KCNQ5: variants seen among roughly 807,000 people sequenced by gnomAD.
The protein encoded by KCNQ5 is potassium voltage-gated channel subfamily KQT member 5.
In KCNQ5, 30 loss-of-function variants were observed where a neutral mutation model predicts 98.2. The observed-to-expected ratio is 0.31, with a 90% CI of 0.23 to 0.41. The LOEUF (loss-of-function observed/expected upper bound fraction) is 0.41. KCNQ5 is among the 10% of genes least tolerant of loss of function. KCNQ5 has a pLI of 1.00. For missense variants in KCNQ5, 835 were observed against 1,182.5 expected (o/e 0.71, Z 4.31); for synonymous variants, 458 against 449.4 (o/e 1.02, Z -0.24).
intron 5 of KCNQ5, among the ~76,000 whole-genome samples, chr6:73,090,972 G>T (rs553239793): frequency 1.8e-4 from 27 of 152,298 alleles, no homozygotes; most frequent in African/African-American, 6.5e-4. Flanking sequence ...CCATTACTGG[G>T]TATATACCCA....
At chr6:72,655,085 T>C (rs1766107514) in intron 1 of KCNQ5, among the ~76,000 whole-genome samples, 1 of 149,052 alleles carries the variant, frequency 6.7e-6, no homozygotes, top group Admixed American at 6.7e-5. Context: ...TCTTTCTTTC[T>C]TTCTTTCTTT....
At chr6:72,750,935 A>T (rs1281701180) in intron 1 of KCNQ5, among the ~76,000 whole-genome samples, 1 of 152,074 alleles carries the variant, frequency 6.6e-6, no homozygotes, top group African/African-American at 2.4e-5. Context: ...TCATTAAAAA[A>T]GATACATCTT....
intron 11 of KCNQ5, 32 bp from the exon 12 acceptor site, chr6:73,190,541 T>C (rs1765555029): frequency 3.4e-6 from 4 of 1,188,082 alleles, no homozygotes; most frequent in Non-Finnish European, 4.6e-6. Flanking sequence ...AACAGAGTTA[T>C]AAAGATTAAT....
chr6:73,014,196 C>A (rs991113364), intron 2 of KCNQ5, among the ~76,000 whole-genome samples: 1 of 152,068 alleles, frequency 6.6e-6, no homozygotes, highest in Non-Finnish European at 1.5e-5. Flanking sequence ...GTCTGGAGTG[C>A]ATTTCCTCTC....
intron 1 of KCNQ5, among the ~76,000 whole-genome samples, chr6:72,946,593 A>T (rs1275557079): frequency 6.6e-6 from 1 of 152,222 alleles, no homozygotes; most frequent in Non-Finnish European, 1.5e-5. Context: ...AAAAATCAAA[A>T]GCCTACAAAA....
chr6:72,727,858 T>C (rs867542565), intron 1 of KCNQ5, among the ~76,000 whole-genome samples: 2 of 152,120 alleles, frequency 1.3e-5, no homozygotes, highest in African/African-American at 2.4e-5. Flanking sequence ...AAGAGCTCTG[T>C]AAGGCAGAGT....
At chr6:72,924,793 C>A (rs150481912) in intron 1 of KCNQ5, among the ~76,000 whole-genome samples, 10 of 152,232 alleles carry the variant, frequency 6.6e-5, no homozygotes, top group East Asian at 1.9e-4. Context: ...GGTACTAAAC[C>A]CAGGACATTG....
intron 3 of KCNQ5, chr6:73,042,955 T>C (rs1294136167): frequency 1.7e-5 from 3 of 172,026 alleles, no homozygotes; most frequent in Non-Finnish European, 2.8e-5. Flanking sequence ...CTGAAAATTC[T>C]TGATGAGGCT....
At chr6:72,637,328 T>C (rs1366224249) in intron 1 of KCNQ5, among the ~76,000 whole-genome samples, 1 of 152,032 alleles carries the variant, frequency 6.6e-6, no homozygotes, top group Non-Finnish European at 1.5e-5. Context: ...TTCACTTAAT[T>C]CTATTACATG....
Position 73,197,410 on chromosome 6 carries a change from G to A in KCNQ5, c.*1996G>A, listed in dbSNP as rs1765825546. The A allele has an allele frequency of 6.6e-6, 1 of 152,028 alleles. No homozygotes were observed. The highest frequency in any genetic ancestry group is 1.5e-5 in the Non-Finnish European group (1 of 68,032). 9.4% of individuals were successfully genotyped at this position (152,028 alleles called of 1,614,324 possible). On this transcript the variant is annotated 3_prime_UTR_variant, in exon 14 of 14. Coordinates refer to ENST00000370398, the MANE Select transcript of KCNQ5 (RefSeq NM_019842.4). The stretch of plus-strand genomic sequence containing the variant: ...ATCATTTAGAATCTTTTTGGCTGCT[G>A]GAAATGTATAGAAGATAGAGGCTAA...
intron 1 of KCNQ5, among the ~76,000 whole-genome samples, chr6:72,851,939 G>A (rs1000088097): frequency 4.6e-5 from 7 of 151,898 alleles, no homozygotes; most frequent in Admixed American, 6.6e-5. Flanking sequence ...ATCTAGATAC[G>A]TATAATGTAA....
intron 1 of KCNQ5, among the ~76,000 whole-genome samples, chr6:72,800,274 T>A (rs1246825877): frequency 6.6e-6 from 1 of 152,210 alleles, no homozygotes; most frequent in Non-Finnish European, 1.5e-5. Context: ...TCTTTTTGGT[T>A]GGTAAGCTAT....
intron 1 of KCNQ5, among the ~76,000 whole-genome samples, chr6:72,882,147 A>G (rs746323213): frequency 2.6e-5 from 4 of 152,256 alleles, no homozygotes; most frequent in Admixed American, 6.5e-5. Context: ...GATTTTTTAA[A>G]TGAACAGAAT....
intron 1 of KCNQ5, among the ~76,000 whole-genome samples, chr6:72,668,766 A>G (rs1766951446): frequency 6.9e-6 from 1 of 144,476 alleles, no homozygotes; most frequent in African/African-American, 2.5e-5. Context: ...CCATGTGAGA[A>G]CATGGCAAGA....
chr6:72,635,671 T>TTTG, intron 1 of KCNQ5, among the ~76,000 whole-genome samples: 1 of 103,894 alleles, frequency 9.6e-6, no homozygotes, highest in East Asian at 2.3e-4. Context: ...TTGCTCCTAG[T>TTTG]TTTTTTTTTT....
chr6:72,704,317 G>A (rs1357486087), intron 1 of KCNQ5, among the ~76,000 whole-genome samples: 2 of 152,052 alleles, frequency 1.3e-5, no homozygotes, highest in African/African-American at 4.8e-5. Context: ...AAAGCAAGCT[G>A]AAATATTTGC....
Position 73,194,543 on chromosome 6 carries a change from C to T in KCNQ5, c.1928C>T (p.Ser643Leu). 6.2e-7 allele frequency: 1 copy of T among 1,614,254 alleles called. No homozygotes were observed. Among genetic ancestry groups the T allele is most frequent in the Non-Finnish European group, 8.5e-7 (1 of 1,180,036 alleles). The change falls in exon 14 of 14, where the codon TCA becomes TTA. Residue 643 changes from serine (S) to leucine (L), a missense_variant. Physicochemically the swap from Ser to Leu is moderately radical, Grantham distance 145. Transcript: ENST00000370398. ...TCTGCCTCAGCCCTCGCTTTGGCTT[C>T]ATTCCAGATCCCACCTTTTGAATGT... ...KGSASALALA[S>L]FQIPPFECEQ...
chr6:72,900,981 A>AT (rs1018511361), intron 1 of KCNQ5, among the ~76,000 whole-genome samples: 2 of 151,928 alleles, frequency 1.3e-5, no homozygotes, highest in African/African-American at 4.8e-5. Flanking sequence ...TCCTTAGCCC[A>AT]TTTTTTTAAT....
At chr6:72,656,284 T>C (rs1766191642) in intron 1 of KCNQ5, among the ~76,000 whole-genome samples, 1 of 152,198 alleles carries the variant, frequency 6.6e-6, no homozygotes, top group African/African-American at 2.4e-5. Context: ...TTAGAAAGTC[T>C]TCTTAATTAC....
Sources: allele counts gnomAD v4.1 joint callset (sites outside exome capture counted in the v4.1 genomes callset), GRCh38; gene constraint gnomAD v4.1.1; transcripts MANE v1.5; gene names NCBI Gene and HGNC (gene_info 2026-07-23, HGNC 2026-07-21).